SYT3: variants seen among roughly 807,000 people sequenced by gnomAD.
SYT3 encodes synaptotagmin-3.
A neutral mutation model predicts 50.6 loss-of-function variants in SYT3; 25 were observed. The observed-to-expected ratio is 0.49, with a 90% CI of 0.36 to 0.69. The LOEUF (loss-of-function observed/expected upper bound fraction) is 0.69. Among genes scored for constraint, SYT3 ranks in the 30% least tolerant of loss-of-function variants. SYT3 has a pLI of 0.00. For synonymous variants in SYT3, 323 were observed against 353.9 expected (o/e 0.91, Z 0.98); for missense variants, 589 against 793.6 (o/e 0.74, Z 3.10).
Position 50,632,810 on chromosome 19 carries a change from G to T in SYT3, c.150C>A (p.Asp50Glu), listed in dbSNP as rs1984366897. ...IRGYPRGPDA[D>E]ISVSLLSVIV... Reference sequence around the variant, plus strand: ...TGACCGACAGCAGGCTCACGGAGATGTCTGGAGAGAACGAGGACAGAGGTA... The same window carrying T: ...TGACCGACAGCAGGCTCACGGAGATTTCTGGAGAGAACGAGGACAGAGGTA... The change falls in exon 4 of 11, where the codon GAC (aspartate) becomes GAA (glutamate). Residue 50 changes from aspartate (D) to glutamate (E), a missense_variant and splice_region_variant. By Grantham distance (45) the Asp-to-Glu change is conservative. This residue lies in a region of SYT3 where 316 missense variants were observed against 354.3 expected (regional missense o/e 0.89). Transcript: ENST00000600079. The surrounding 1 kb of genome is among the most constrained non-coding windows in gnomAD (Gnocchi z 4.7). 4 of 1,505,912 alleles carry T rather than the reference G, an allele frequency of 2.7e-6. No individual in the cohort carries two copies. Among genetic ancestry groups the T allele is most frequent in the African/African-American group, 2.8e-5 (2 of 72,292 alleles). 93.3% of individuals were successfully genotyped at this position (1,505,912 alleles called of 1,614,324 possible).
chr19:50,638,146 CAG>C (rs1324842479), intron 2 of SYT3: 5 of 152,294 alleles, frequency 3.3e-5, no homozygotes, highest in African/African-American at 1.2e-4. Flanking sequence ...CAAAGGAACT[CAG>C]AGGGGGGCGG....
At chr19:50,658,032 AG>A in the SYT3 span, 2 of 1,535,756 alleles carry the variant, frequency 1.3e-6, no homozygotes, top group African/African-American at 2.7e-5. Context: ...CAAGCCCTGG[AG>A]GCCCAGTTAC....
At chr19:50,656,387 G>T in the SYT3 span, 2 of 1,509,332 alleles carry the variant, frequency 1.3e-6, no homozygotes, top group South Asian at 2.5e-5. Context: ...CAGTTTTGGT[G>T]GGGTGATGGG....
Position 50,625,364 on chromosome 19 carries a change from C to A in SYT3, c.1574+29G>T. 1.9e-6 allele frequency: 3 copies of A among 1,541,758 alleles called. No homozygotes were observed. The highest frequency in any genetic ancestry group is 2.6e-6 in the Non-Finnish European group (3 of 1,144,770). ...CCTGTCCCCACCCCAGCCCTCCTGC[C>A]TGACCCCCGCCCGGGCCGCGCCCCT... On this transcript the variant is annotated intron_variant, in intron 8 of 10. Transcript: ENST00000600079. This position sits in a 1 kb window ranked among gnomAD's most constrained non-coding sequence, Gnocchi z 7.5.
At chr19:50,649,504 G>A in the SYT3 span, 2 of 1,536,222 alleles carry the variant, frequency 1.3e-6, no homozygotes, top group Non-Finnish European at 1.7e-6. Context: ...CCATGCACAG[G>A]AAGGCAGGTA....
chr19:50,629,908 G>A lies in SYT3; in HGVS notation c.938C>T (p.Ser313Leu), dbSNP rs756693870. Residue 313 changes from serine (S) to leucine (L), a missense_variant, in exon 5 of 11, where the codon TCG becomes TTG. Ser to Leu is a moderately radical substitution (Grantham distance 145). Around this residue, in one of 2 missense-constraint regions of SYT3, gnomAD observed 273 missense variants for 439.3 expected, o/e 0.62. Coordinates refer to ENST00000600079, the MANE Select transcript of SYT3 (RefSeq NM_001160329.2). Reference sequence around the variant, plus strand: ...CAGGATCCTCACCACCAGCTGGTCCGAGCCATAGAGGTACCGCAGGGCGAA... The same window carrying A: ...CAGGATCCTCACCACCAGCTGGTCCAAGCCATAGAGGTACCGCAGGGCGAA... ...ISFALRYLYG[S>L]DQLVVRILQA... The A allele has an allele frequency of 2.4e-5, 39 of 1,613,936 alleles. No homozygotes were observed. Among genetic ancestry groups the A allele is most frequent in the Middle Eastern group, 1.6e-4 (1 of 6,084 alleles).
rs916020100 is a variant in SYT3 at position 50,632,962 on chromosome 19, T to C, written c.149-151A>G. 5 of 530,348 alleles carry C rather than the reference T, an allele frequency of 9.4e-6. No homozygotes were observed. Among genetic ancestry groups the C allele is most frequent in the African/African-American group, 7.8e-5 (4 of 51,558 alleles). The allele number at this position is 530,348 out of a possible 1,614,324, so 32.9% of individuals were successfully genotyped here. A position where few individuals can be genotyped will look rare whatever the true frequency, so the allele number is the denominator to read the frequency against. On this transcript the variant is annotated intron_variant, in intron 3 of 10. Transcript: ENST00000600079. The surrounding 1 kb of genome is among the most constrained non-coding windows in gnomAD (Gnocchi z 4.7). The stretch of plus-strand genomic sequence containing the variant: ...CACTTTACATGTATTACTTAATTTA[T>C]GTTCTACAACTCTACAAGGTTAAGT...
At chr19:50,653,298 C>T in the SYT3 span, among the ~76,000 whole-genome samples, 1 of 152,080 alleles carries the variant, frequency 6.6e-6, no homozygotes, top group Admixed American at 6.6e-5. Context: ...TTTGGCATCC[C>T]AAAGTGCTGG....
At chr19:50,643,183 CA>C (rs1984706702), upstream of SYT3, among the ~76,000 whole-genome samples, 2 of 151,880 alleles carry the variant, frequency 1.3e-5, no homozygotes, top group South Asian at 4.2e-4. Context: ...CTTGCCTGGA[CA>C]ACATAGTGAG....
At chr19:50,635,144 G>C (rs1984455402) in intron 3 of SYT3, among the ~76,000 whole-genome samples, 1 of 151,876 alleles carries the variant, frequency 6.6e-6, no homozygotes, top group Non-Finnish European at 1.5e-5. Context: ...TCCTGACCTT[G>C]TGATCCGCCC....
At chr19:50,658,057 G>A in the SYT3 span, 1 of 1,536,048 alleles carries the variant, frequency 6.5e-7, no homozygotes, top group Non-Finnish European at 8.7e-7. Context: ...GGGCCATGGA[G>A]AGCGGGCGCG....
At chr19:50,655,657 A>G in the SYT3 span, among the ~76,000 whole-genome samples, 1 of 152,050 alleles carries the variant, frequency 6.6e-6, no homozygotes, top group African/African-American at 2.4e-5. Flanking sequence ...TCAAAAAAAA[A>G]AAACAAAAAA....
chr19:50,627,741 A>G, intron 6 of SYT3, among the ~76,000 whole-genome samples: 1 of 152,010 alleles, frequency 6.6e-6, no homozygotes, highest in Non-Finnish European at 1.5e-5. Flanking sequence ...AAAAAAAAAA[A>G]AAAATGAGAG....
chr19:50,625,778 G>T lies in SYT3; in HGVS notation c.1402+119C>A. Reference sequence around the variant, plus strand: ...CTGGCCCCTCCTCCCTCAGACCCAGGAGTCCAGATCCCCAGCTCCTCCTCC... The same window carrying T: ...CTGGCCCCTCCTCCCTCAGACCCAGTAGTCCAGATCCCCAGCTCCTCCTCC... On this transcript the variant is annotated intron_variant, in intron 7 of 10. Coordinates refer to ENST00000600079, the MANE Select transcript of SYT3 (RefSeq NM_001160329.2). This position sits in a 1 kb window ranked among gnomAD's most constrained non-coding sequence, Gnocchi z 7.5. 1.2e-5 allele frequency: 7 copies of T among 583,740 alleles called. 3 individuals are homozygous for T. The highest frequency in any genetic ancestry group is 2.0e-5 in the Non-Finnish European group (7 of 346,716). The allele number at this position is 583,740 out of a possible 1,614,324, so 36.2% of individuals were successfully genotyped here.
At chr19:50,633,774 C>G (rs1984403750) in intron 3 of SYT3, among the ~76,000 whole-genome samples, 1 of 152,160 alleles carries the variant, frequency 6.6e-6, no homozygotes, top group Non-Finnish European at 1.5e-5. Flanking sequence ...GCCTGCCAGG[C>G]ACTACATGAG....
intron 6 of SYT3, among the ~76,000 whole-genome samples, chr19:50,626,932 T>A (rs1003445707): frequency 6.6e-6 from 1 of 150,770 alleles, no homozygotes; most frequent in Non-Finnish European, 1.5e-5. Context: ...TCAGATACCC[T>A]ACTCCCTGCA....
intron 6 of SYT3, among the ~76,000 whole-genome samples, chr19:50,626,339 A>G (rs1984061330): frequency 6.6e-6 from 1 of 152,154 alleles, no homozygotes; most frequent in Non-Finnish European, 1.5e-5. Flanking sequence ...CAAAACACGG[A>G]GGGATACAGC....
the SYT3 span, among the ~76,000 whole-genome samples, chr19:50,646,218 C>T: frequency 1.3e-5 from 2 of 152,128 alleles, no homozygotes; most frequent in Admixed American, 1.3e-4. Flanking sequence ...GCACCAACAG[C>T]CCTTGAAGGT....
chr19:50,629,268 G>A, intron 6 of SYT3, 26 bp downstream of exon 6: 2 of 1,555,692 alleles, frequency 1.3e-6, no homozygotes, highest in South Asian at 2.4e-5. Flanking sequence ...CTGGGAAGGG[G>A]AAGGTCAGGG....
Sources: allele counts gnomAD v4.1 joint callset (sites outside exome capture counted in the v4.1 genomes callset), GRCh38; gene constraint gnomAD v4.1.1; regional missense constraint gnomAD v4.1.1; non-coding constraint Gnocchi (gnomAD v3.1); transcripts MANE v1.5; gene names NCBI Gene and HGNC (gene_info 2026-07-23, HGNC 2026-07-21).